RAD17: variants seen among roughly 807,000 people sequenced by gnomAD.
RAD17 encodes cell cycle checkpoint protein RAD17.
A neutral mutation model predicts 81.5 loss-of-function variants in RAD17; 31 were observed. The observed-to-expected ratio is 0.38, with a 90% CI of 0.29 to 0.51. The LOEUF is 0.51. Among genes scored for constraint, RAD17 ranks in the 20% least tolerant of loss-of-function variants. The pLI, the probability that RAD17 is intolerant of heterozygous loss-of-function variation, is 0.88. For missense variants in RAD17, 681 were observed against 781.2 expected (o/e 0.87, Z 1.53); for synonymous variants, 261 against 266.2 (o/e 0.98, Z 0.19).
At chr5:69,398,798 T>C (rs1461784683) in intron 16 of RAD17, among the ~76,000 whole-genome samples, 3 of 141,576 alleles carry the variant, frequency 2.1e-5, no homozygotes, top group Non-Finnish European at 4.6e-5. Context: ...AGAAAAAGAC[T>C]CTGTCTCAGA....
intron 18 of RAD17, 83 bp downstream of exon 18, chr5:69,410,633 T>G: frequency 3.2e-6 from 4 of 1,251,486 alleles, no homozygotes; most frequent in Non-Finnish European, 4.6e-6. Context: ...AACTGTTACC[T>G]GTAACATCCA....
At position 69,414,382 on chromosome 5, in the gene RAD17, G is replaced by A; in HGVS notation, c.*90G>A. The A allele has an allele frequency of 7.4e-7, 1 of 1,354,054 alleles. No individual in the cohort carries two copies. Among genetic ancestry groups the A allele is most frequent in the Non-Finnish European group, 1.0e-6 (1 of 984,062 alleles). 83.9% of individuals were successfully genotyped at this position (1,354,054 alleles called of 1,614,324 possible). On this transcript the variant is annotated 3_prime_UTR_variant, in exon 19 of 19. Coordinates refer to ENST00000354868, the MANE Select transcript of RAD17 (RefSeq NM_133338.3). ...AGCAGAGTTAATATGCTTTTCTGAT[G>A]AATTACACAACAGTTTGTTAATTCT...
chr5:69,411,943 G>A (rs1293179271), intron 18 of RAD17, among the ~76,000 whole-genome samples: 5 of 152,098 alleles, frequency 3.3e-5, no homozygotes, highest in Non-Finnish European at 7.4e-5. Context: ...GATGTGACTT[G>A]AGAGGCAGTA....
At chr5:69,384,445 G>C (rs1391756067) in intron 7 of RAD17, among the ~76,000 whole-genome samples, 1 of 152,030 alleles carries the variant, frequency 6.6e-6, no homozygotes, top group Non-Finnish European at 1.5e-5. Context: ...CCTGCAAGTA[G>C]CCAGAACTAC....
At chr5:69,394,512 T>A (rs1424694851) in intron 15 of RAD17, among the ~76,000 whole-genome samples, 1 of 152,222 alleles carries the variant, frequency 6.6e-6, no homozygotes, top group African/African-American at 2.4e-5. Context: ...CTATTTACCA[T>A]AAAATTTGTA....
intron 1 of RAD17, among the ~76,000 whole-genome samples, chr5:69,370,524 G>C (rs1182710118): frequency 6.6e-6 from 1 of 152,080 alleles, no homozygotes. Flanking sequence ...ATTTTTAATA[G>C]AGACGGGGTT....
At chr5:69,412,923 G>C (rs1195944174) in intron 18 of RAD17, among the ~76,000 whole-genome samples, 2 of 151,208 alleles carry the variant, frequency 1.3e-5, no homozygotes, top group Admixed American at 1.3e-4. Context: ...TGAAGTGGAG[G>C]TTGCAGTGAG....
chr5:69,371,941 C>T, intron 3 of RAD17, 93 bp from the exon 4 acceptor site: 1 of 615,522 alleles, frequency 1.6e-6, no homozygotes, highest in Non-Finnish European at 2.4e-6. Context: ...TTCATGCATG[C>T]AGGGTAGCTA....
At chr5:69,397,862 A>G (rs1252454574) in intron 16 of RAD17, among the ~76,000 whole-genome samples, 1 of 152,232 alleles carries the variant, frequency 6.6e-6, no homozygotes, top group African/African-American at 2.4e-5. Context: ...TCACGCCTGT[A>G]ATCCCAGCAC....
At chr5:69,372,316 A>C in intron 4 of RAD17, 99 bp downstream of exon 4, 5 of 1,147,202 alleles carry the variant, frequency 4.4e-6, no homozygotes, top group Non-Finnish European at 6.5e-6. Flanking sequence ...AGTGTGACTT[A>C]GCATTCGTAA....
intron 13 of RAD17, among the ~76,000 whole-genome samples, chr5:69,392,396 G>A (rs745373286): frequency 5.9e-5 from 9 of 152,184 alleles, no homozygotes; most frequent in Non-Finnish European, 1.0e-4. Context: ...TCTTTCAATC[G>A]TCTTGTATTT....
rs1313738599 is a variant in RAD17 at position 69,414,058 on chromosome 5, G to A, written c.1779G>A (p.Arg593=). 6.2e-7 allele frequency: 1 copy of A among 1,614,202 alleles called. No individual in the cohort carries two copies. The part of the protein sequence containing the change: ...GRLKMEALTD[R]EHGMIDPDSG... ...TGAAAATGGAAGCCCTGACTGACAG[G>A]GAACATGGAATGATAGACCCTGACA... Residue 593 remains arginine (R), a synonymous_variant, in exon 19 of 19, where the codon AGG becomes AGA. Coordinates refer to ENST00000354868, the MANE Select transcript of RAD17 (RefSeq NM_133338.3).
At chr5:69,381,755 A>G (rs970049105) in intron 6 of RAD17, 146 bp from the exon 7 acceptor site, 1 of 566,850 alleles carries the variant, frequency 1.8e-6, no homozygotes, top group Non-Finnish European at 2.8e-6. Flanking sequence ...TTATTCCAGC[A>G]AGCATTATTA....
At chr5:69,393,931 T>TTTG (rs1764707213) in intron 15 of RAD17, among the ~76,000 whole-genome samples, 1 of 135,080 alleles carries the variant, frequency 7.4e-6, no homozygotes, top group African/African-American at 2.6e-5. Context: ...TTTTTTTTTT[T>TTTG]GAGAAGAGGC....
At chr5:69,410,968 T>C (rs932008463) in intron 18 of RAD17, among the ~76,000 whole-genome samples, 1 of 137,944 alleles carries the variant, frequency 7.2e-6, no homozygotes, top group African/African-American at 2.7e-5. Flanking sequence ...TGTCTGTCTA[T>C]ATATATATAT....
chr5:69,396,069 A>T (rs965296368), intron 15 of RAD17, among the ~76,000 whole-genome samples: 5 of 152,218 alleles, frequency 3.3e-5, no homozygotes, highest in Non-Finnish European at 5.9e-5. Context: ...TATATAATTA[A>T]GTTAACTTTC....
chr5:69,381,314 A>G (rs1210272042), intron 6 of RAD17, among the ~76,000 whole-genome samples: 1 of 151,932 alleles, frequency 6.6e-6, no homozygotes, highest in Non-Finnish European at 1.5e-5. Flanking sequence ...CCCTGTCTCT[A>G]CTAAAAATAC....
rs913594965 is a variant in RAD17 at position 69,408,506 on chromosome 5, CTTTTTTTTT to C, written c.1694-1971_1694-1963del. ...ATCACACTGTTGGCTACCCTAATTACTTTTTTTTTTTTTTTTTTTTTTTTGAGGAAAGAG... is the reference window on the plus strand; with the variant it reads ...ATCACACTGTTGGCTACCCTAATTACTTTTTTTTTTTTTTTGAGGAAAGAG... On this transcript the variant is annotated intron_variant, in intron 17 of 18. Transcript: ENST00000354868. Among the ~76,000 whole-genome samples, 8 of 88,452 alleles carry C rather than the reference CTTTTTTTTT, an allele frequency of 9.0e-5. No individual in the cohort carries two copies. In the South Asian group the frequency reaches 1.8e-3, roughly 20 times the overall value. 58.0% of individuals were successfully genotyped at this position (88,452 alleles called of 152,430 possible).
In RAD17 at chr5:69,396,516, C is replaced by G; in HGVS notation, c.1542C>G (p.His514Gln). ...QGGGSSFRPL[H>Q]KPQWFLINKK... ...GAGGATCAAGTTTTCGACCCTTGCACAAACCTCAGTGGTTTCTAATAAATA... is the reference window on the plus strand; with the variant it reads ...GAGGATCAAGTTTTCGACCCTTGCAGAAACCTCAGTGGTTTCTAATAAATA... Residue 514 changes from histidine (H) to glutamine (Q), a missense_variant, in exon 16 of 19, where the codon CAC (histidine) becomes CAG (glutamine). Coordinates refer to ENST00000354868, the MANE Select transcript of RAD17 (RefSeq NM_133338.3). 6.3e-7 allele frequency: 1 copy of G among 1,590,534 alleles called. No individual in the cohort carries two copies. Among genetic ancestry groups the G allele is most frequent in the Non-Finnish European group, 8.5e-7 (1 of 1,171,706 alleles).
Sources: allele counts gnomAD v4.1 joint callset (sites outside exome capture counted in the v4.1 genomes callset), GRCh38; gene constraint gnomAD v4.1.1; transcripts MANE v1.5; gene names NCBI Gene and HGNC (gene_info 2026-07-23, HGNC 2026-07-21).